Variants in HLCS observed in about 807,000 individuals in gnomAD.
The protein encoded by HLCS is biotin--protein ligase.
In HLCS, 53 loss-of-function variants were observed where a neutral mutation model predicts 75.0. The ratio of observed to expected loss-of-function variants is 0.71; its 90% CI spans 0.57 to 0.89. The LOEUF is 0.89. HLCS is among the 40% of genes least tolerant of loss of function. The probability of loss-of-function intolerance (pLI) is 0.00; values close to 1 mark genes in which losing one functional copy is unlikely to be tolerated. For synonymous variants in HLCS, 431 were observed against 428.6 expected (o/e 1.01, Z -0.07); for missense variants, 966 against 1,074.0 (o/e 0.90, Z 1.41).
At chr21:36,977,254 C>G (rs536858620) in intron 1 of HLCS, among the ~76,000 whole-genome samples, 13 of 152,132 alleles carry the variant, frequency 8.5e-5, no homozygotes, top group South Asian at 8.4e-4. Flanking sequence ...CCTGGTTGGG[C>G]GAAGGGAGAA....
chr21:36,985,536 G>C (rs868868575), intron 1 of HLCS, among the ~76,000 whole-genome samples: 1 of 152,228 alleles, frequency 6.6e-6, no homozygotes, highest in South Asian at 2.1e-4. Context: ...GGGAGGCCGA[G>C]GCGGGCAGAT....
At chr21:36,773,102 T>C (rs2060257956) in intron 6 of HLCS, among the ~76,000 whole-genome samples, 1 of 152,240 alleles carries the variant, frequency 6.6e-6, no homozygotes, top group African/African-American at 2.4e-5. Context: ...ATTTCTCTCT[T>C]ATACTTTACT....
At chr21:36,862,522 T>C (rs1014470981) in intron 6 of HLCS, among the ~76,000 whole-genome samples, 1 of 152,250 alleles carries the variant, frequency 6.6e-6, no homozygotes, top group African/African-American at 2.4e-5. Flanking sequence ...GGCATCTCCC[T>C]GATGGCTACT....
At chr21:36,848,658 T>C (rs575611854) in intron 6 of HLCS, among the ~76,000 whole-genome samples, 1 of 152,372 alleles carries the variant, frequency 6.6e-6, no homozygotes, top group South Asian at 2.1e-4. Context: ...TGTTTCATAG[T>C]GCTGCTTAAT....
At chr21:36,943,252 A>G in intron 2 of HLCS, 1 of 152,206 alleles carries the variant, frequency 6.6e-6, no homozygotes, top group East Asian at 1.9e-4. Context: ...GAACATACGA[A>G]CACATCTAGA....
intron 1 of HLCS, among the ~76,000 whole-genome samples, chr21:36,988,389 C>T (rs1212053248): frequency 1.3e-5 from 2 of 152,146 alleles, no homozygotes; most frequent in East Asian, 1.9e-4. Flanking sequence ...GTTCAGAGAC[C>T]TTCCTCACTG....
Position 36,754,202 on chromosome 21 carries a change from T to C in HLCS, c.*44A>G. The C allele has an allele frequency of 6.3e-7, 1 of 1,593,608 alleles. No homozygotes were observed. Among genetic ancestry groups the C allele is most frequent in the Non-Finnish European group, 8.6e-7 (1 of 1,163,612 alleles). ...TACAACTCTAAATTAGATTTCCAGATGCATGGGCACGGACAGGCAGCCGCG... is the reference window on the plus strand; with the variant it reads ...TACAACTCTAAATTAGATTTCCAGACGCATGGGCACGGACAGGCAGCCGCG... On this transcript the variant is annotated 3_prime_UTR_variant, in exon 11 of 11. Coordinates refer to ENST00000674895, the MANE Select transcript of HLCS (RefSeq NM_001352514.2).
intron 6 of HLCS, chr21:36,896,471 ATGCCCCTG>A: frequency 7.2e-6 from 2 of 278,320 alleles, no homozygotes; most frequent in Non-Finnish European, 1.4e-5. Context: ...TCCTATTCAA[ATGCCCCTG>A]AAAAACATCC....
rs1273092078 is a variant in HLCS, at chr21:36,750,488, T to A, written c.*3758A>T. Among the ~76,000 whole-genome samples the A allele has an allele frequency of 6.6e-6, 1 of 152,168 alleles. No individual in the cohort carries two copies. The highest frequency in any genetic ancestry group is 1.5e-5 in the Non-Finnish European group (1 of 68,034). ...TATTTTCCGCCTCCCTTGCCCCCAC[T>A]CCTTTTATCCTTTTAAAAGTCCTAT... is the stretch of plus-strand genomic sequence containing the variant. On this transcript the variant is annotated 3_prime_UTR_variant, in exon 11 of 11. Coordinates refer to ENST00000674895, the MANE Select transcript of HLCS (RefSeq NM_001352514.2).
chr21:36,816,395 C>CA (rs34407031), intron 6 of HLCS, among the ~76,000 whole-genome samples: 46,508 of 141,942 alleles, frequency 0.33, 7,601 homozygotes, highest in African/African-American at 0.41. Flanking sequence ...GACCCTATCT[C>CA]AAAAAAAAAA....
chr21:36,888,435 AAAAAAAAAAAATATATATAT>A (rs1319682844), intron 6 of HLCS, among the ~76,000 whole-genome samples: 6 of 24,906 alleles, frequency 2.4e-4, no homozygotes, highest in Admixed American at 6.9e-4. Flanking sequence ...TCCCATTTAA[AAAAAAAAAAAATATATATAT>A]ATATATATAT....
chr21:36,814,767 G>A (rs1263883141), intron 6 of HLCS, among the ~76,000 whole-genome samples: 1 of 152,210 alleles, frequency 6.6e-6, no homozygotes, highest in African/African-American at 2.4e-5. Context: ...TGATTGGATA[G>A]GGTCGTGGAG....
intron 6 of HLCS, among the ~76,000 whole-genome samples, chr21:36,773,989 C>T (rs1014371188): frequency 3.9e-5 from 6 of 152,058 alleles, no homozygotes; most frequent in Non-Finnish European, 5.9e-5. Flanking sequence ...TTTAACAATA[C>T]GATTGATTTT....
intron 6 of HLCS, among the ~76,000 whole-genome samples, chr21:36,870,270 T>C (rs11701958): frequency 9.7e-4 from 148 of 152,142 alleles, no homozygotes; most frequent in Non-Finnish European, 1.5e-3. Context: ...GGGAACCTCA[T>C]TGACACCACA....
chr21:36,848,062 T>C (rs1310280872), intron 6 of HLCS, among the ~76,000 whole-genome samples: 3 of 152,214 alleles, frequency 2.0e-5, no homozygotes, highest in African/African-American at 4.8e-5. Context: ...TTTTCTGTAT[T>C]ATAAATGGCA....
chr21:36,781,839 G>T (rs1569000704), intron 6 of HLCS, among the ~76,000 whole-genome samples: 1 of 152,072 alleles, frequency 6.6e-6, no homozygotes, highest in Non-Finnish European at 1.5e-5. Context: ...ACACTTACAA[G>T]TCAGTAAATT....
intron 6 of HLCS, among the ~76,000 whole-genome samples, chr21:36,813,279 T>A (rs1425854625): frequency 6.6e-6 from 1 of 152,212 alleles, no homozygotes; most frequent in African/African-American, 2.4e-5. Context: ...GTTTTAATAT[T>A]CTAGCTTCTA....
chr21:36,777,642 A>C (rs1214073712), intron 6 of HLCS, among the ~76,000 whole-genome samples: 1 of 152,210 alleles, frequency 6.6e-6, no homozygotes, highest in Non-Finnish European at 1.5e-5. Context: ...TTGGAAGAGC[A>C]GGGGCAGTTA....
chr21:36,845,943 G>C (rs2062783045), intron 6 of HLCS, among the ~76,000 whole-genome samples: 1 of 152,108 alleles, frequency 6.6e-6, no homozygotes, highest in Admixed American at 6.5e-5. Context: ...CCAAGGTTGG[G>C]CAAACCTAGA....
Sources: allele counts gnomAD v4.1 joint callset (sites outside exome capture counted in the v4.1 genomes callset), GRCh38; gene constraint gnomAD v4.1.1; transcripts MANE v1.5; gene names NCBI Gene and HGNC (gene_info 2026-07-23, HGNC 2026-07-21).